The following DNAJC16 variants were observed in gnomAD, a reference collection of about 807,000 sequenced individuals.
DNAJC16 encodes DnaJ heat shock protein family (Hsp40) member C16, also known as dnaJ homolog subfamily C member 16.
In DNAJC16, 76 loss-of-function variants were observed where a neutral mutation model predicts 92.7. The ratio of observed to expected loss-of-function variants is 0.82; its 90% confidence interval spans 0.68 to 0.99. DNAJC16 has a LOEUF of 0.99. DNAJC16 is among the 50% of genes least tolerant of loss of function. The pLI is 0.00. For synonymous variants in DNAJC16, 328 were observed against 358.7 expected (o/e 0.91, Z 0.97); for missense variants, 869 against 942.4 (o/e 0.92, Z 1.02).
intron 9 of DNAJC16, among the ~76,000 whole-genome samples, chr1:15,563,684 A>ATAT (rs1638741722): frequency 6.7e-6 from 1 of 149,120 alleles, no homozygotes; most frequent in African/African-American, 2.5e-5. Context: ...AAAAAAAAAA[A>ATAT]AAAAAATACC....
At position 15,565,949 on chromosome 1, in the gene DNAJC16, C is replaced by A; in HGVS notation, c.1629C>A (p.Ile543=). 1 of 1,613,774 alleles carries A rather than the reference C, an allele frequency of 6.2e-7. No homozygotes were observed. Among genetic ancestry groups the A allele is most frequent in the Non-Finnish European group, 8.5e-7 (1 of 1,179,986 alleles). The change falls in exon 12 of 15, where the codon ATC becomes ATA. Residue 543 remains isoleucine (I), a synonymous_variant. Coordinates refer to ENST00000375847, the MANE Select transcript of DNAJC16 (RefSeq NM_015291.4). ...WREMMPLLSL[I]FSALFILFGT... ...AAATGATGCCCCTGCTGTCCCTGATCTTCTCTGCCCTCTTCATCCTCTTCG... is the reference window on the plus strand; with the variant it reads ...AAATGATGCCCCTGCTGTCCCTGATATTCTCTGCCCTCTTCATCCTCTTCG...
At chr1:15,540,182 TG>T (rs902547265) in intron 4 of DNAJC16, among the ~76,000 whole-genome samples, 6 of 151,124 alleles carry the variant, frequency 4.0e-5, no homozygotes, top group African/African-American at 1.5e-4. Flanking sequence ...AAAAATTAAC[TG>T]GGCATGGTGG....
chr1:15,539,985 T>TCACCG (rs1225192991), intron 4 of DNAJC16, among the ~76,000 whole-genome samples: 1 of 149,398 alleles, frequency 6.7e-6, no homozygotes, highest in African/African-American at 2.5e-5. Flanking sequence ...CAAGATCGAG[T>TCACCG]CACCGCACTC....
chr1:15,549,861 A>G (rs982085377), intron 7 of DNAJC16, among the ~76,000 whole-genome samples: 2 of 151,612 alleles, frequency 1.3e-5, no homozygotes, highest in South Asian at 2.1e-4. Context: ...GAGGGGGACC[A>G]TGTTCACATC....
chr1:15,568,290 C>A lies in DNAJC16; in HGVS notation c.*113C>A. ...AACAGAGTATAGATTTTAGATTGCT[C>A]TTCTAGAACCATGGCTAGAAGAATC... On this transcript the variant is annotated 3_prime_UTR_variant, in exon 15 of 15. Transcript: ENST00000375847. The A allele has an allele frequency of 3.3e-6, 3 of 897,134 alleles. No individual in the cohort carries two copies. The highest frequency in any genetic ancestry group is 2.5e-5 in the East Asian group (1 of 40,764). 55.6% of individuals were successfully genotyped at this position (897,134 alleles called of 1,614,324 possible).
chr1:15,559,422 G>A, intron 7 of DNAJC16, 104 bp from the exon 8 acceptor site: 1 of 1,504,722 alleles, frequency 6.6e-7, no homozygotes, highest in Non-Finnish European at 9.0e-7. Flanking sequence ...TATTACTTTA[G>A]CCAAGGTCAG....
At chr1:15,547,044 T>C (rs1638325992) in intron 6 of DNAJC16, among the ~76,000 whole-genome samples, 173 bp downstream of exon 6, 1 of 151,660 alleles carries the variant, frequency 6.6e-6, no homozygotes, top group Non-Finnish European at 1.5e-5. Context: ...ATAACCATCA[T>C]ACATTGAGTA....
chr1:15,563,831 C>G (rs1638746685), intron 9 of DNAJC16, 98 bp from the exon 10 acceptor site: 5 of 1,284,116 alleles, frequency 3.9e-6, no homozygotes, highest in Non-Finnish European at 5.3e-6. Flanking sequence ...GCCTGGGCGA[C>G]AAAGCAAGAC....
chr1:15,556,304 G>A (rs1040147474), intron 7 of DNAJC16, among the ~76,000 whole-genome samples: 3 of 151,834 alleles, frequency 2.0e-5, no homozygotes, highest in Non-Finnish European at 2.9e-5. Context: ...GCCTGATCTC[G>A]GCTCACTGCA....
At chr1:15,567,071 A>C in intron 13 of DNAJC16, 28 bp from the exon 14 acceptor site, 3 of 1,596,168 alleles carry the variant, frequency 1.9e-6, no homozygotes, top group Non-Finnish European at 2.6e-6. Flanking sequence ...TCCTGACAGC[A>C]TCTTAACTCC....
chr1:15,530,535 C>G (rs1467049020), intron 2 of DNAJC16, among the ~76,000 whole-genome samples: 1 of 152,180 alleles, frequency 6.6e-6, no homozygotes, highest in Non-Finnish European at 1.5e-5. Flanking sequence ...GAGGAAAGGA[C>G]AGAGGTGACT....
At chr1:15,556,890 C>G (rs903279608) in intron 7 of DNAJC16, among the ~76,000 whole-genome samples, 47 of 152,316 alleles carry the variant, frequency 3.1e-4, no homozygotes, top group African/African-American at 1.1e-3. Context: ...ACTAAAAGTT[C>G]TAACCACAAT....
intron 7 of DNAJC16, 96 bp downstream of exon 7, chr1:15,548,524 A>G (rs1638366134): frequency 8.0e-7 from 1 of 1,250,402 alleles, no homozygotes; most frequent in South Asian, 1.9e-5. Flanking sequence ...GCTGAAGGAA[A>G]GGATCTTCCT....
intron 4 of DNAJC16, among the ~76,000 whole-genome samples, chr1:15,539,398 A>C (rs1337039405): frequency 6.6e-6 from 1 of 151,782 alleles, no homozygotes; most frequent in East Asian, 1.9e-4. Flanking sequence ...GGCACCCATC[A>C]CCACGCCCGG....
rs778149673 is a variant in DNAJC16 at position 15,566,188 on chromosome 1, T to C, written c.1778+8T>C. On this transcript the variant is annotated splice_region_variant and intron_variant, in intron 13 of 14. Coordinates refer to ENST00000375847, the MANE Select transcript of DNAJC16 (RefSeq NM_015291.4). Reference sequence around the variant, plus strand: ...CACCAAAGAAAACAGCAGGTTTCTCTAACAAAACACCAGACTCACCTCCCC... The same window carrying C: ...CACCAAAGAAAACAGCAGGTTTCTCCAACAAAACACCAGACTCACCTCCCC... 2 of 1,611,792 alleles carry C rather than the reference T, an allele frequency of 1.2e-6. No individual in the cohort carries two copies. Among genetic ancestry groups the C allele is most frequent in the African/African-American group, 1.3e-5 (1 of 74,982 alleles).
At chr1:15,557,672 ATT>A (rs746565116) in intron 7 of DNAJC16, among the ~76,000 whole-genome samples, 3 of 151,162 alleles carry the variant, frequency 2.0e-5, no homozygotes, top group Non-Finnish European at 4.4e-5. Context: ...TATAAATAGT[ATT>A]TTTCATCAGT....
At chr1:15,527,498 T>C (rs1200720740) in intron 1 of DNAJC16, among the ~76,000 whole-genome samples, 1 of 152,196 alleles carries the variant, frequency 6.6e-6, no homozygotes, top group Non-Finnish European at 1.5e-5. Context: ...TAGTATTCAT[T>C]CCCATTTTAT....
At chr1:15,552,470 C>T (rs1310905880) in intron 7 of DNAJC16, among the ~76,000 whole-genome samples, 2 of 151,528 alleles carry the variant, frequency 1.3e-5, no homozygotes, top group Admixed American at 1.3e-4. Context: ...GCCTGGGCGA[C>T]AGAGTGGGAC....
chr1:15,552,795 T>G, intron 7 of DNAJC16, among the ~76,000 whole-genome samples: 1 of 149,442 alleles, frequency 6.7e-6, no homozygotes, highest in African/African-American at 2.5e-5. Context: ...GGAGACACAG[T>G]CTTGCTCTGT....
Sources: allele counts gnomAD v4.1 joint callset (sites outside exome capture counted in the v4.1 genomes callset), GRCh38; gene constraint gnomAD v4.1.1; transcripts MANE v1.5; gene names NCBI Gene and HGNC (gene_info 2026-07-23, HGNC 2026-07-21).